Variants in ACVR2A observed in about 807,000 individuals in gnomAD.
ACVR2A encodes activin A receptor type 2A.
ACVR2A carries 7 observed loss-of-function variants against 61.4 expected under a neutral mutation model. That is an observed-to-expected ratio of 0.11 (90% CI 0.06 to 0.21). The LOEUF (loss-of-function observed/expected upper bound fraction) is 0.21, where lower values mean the gene tolerates loss of function less well. Ranked by LOEUF, ACVR2A falls within the 10% of genes least tolerant of loss-of-function variation. ACVR2A has a pLI of 1.00. For synonymous variants in ACVR2A, 193 were observed against 208.3 expected (o/e 0.93, Z 0.63); for missense variants, 322 against 621.7 (o/e 0.52, Z 5.13).
chr2:147,920,390 A>T (rs1288458168), intron 8 of ACVR2A, 46 bp downstream of exon 8: 1 of 1,456,420 alleles, frequency 6.9e-7, no homozygotes, highest in African/African-American at 1.4e-5. Flanking sequence ...AACTTGTTCC[A>T]TATTTTCTTA....
chr2:147,865,977 T>G (rs1355284741), intron 1 of ACVR2A, among the ~76,000 whole-genome samples: 1 of 152,062 alleles, frequency 6.6e-6, no homozygotes, highest in Non-Finnish European at 1.5e-5. Flanking sequence ...GGGAGGAATA[T>G]TTTATGTTTT....
At chr2:147,859,769 T>C (rs1685679799) in intron 1 of ACVR2A, among the ~76,000 whole-genome samples, 1 of 152,068 alleles carries the variant, frequency 6.6e-6, no homozygotes, top group Non-Finnish European at 1.5e-5. Context: ...CTACAGTACG[T>C]TTTTGGTACT....
At chr2:147,862,051 C>A (rs1431521744) in intron 1 of ACVR2A, among the ~76,000 whole-genome samples, 1 of 151,982 alleles carries the variant, frequency 6.6e-6, no homozygotes. Context: ...GAACTAAAAC[C>A]CTGATTTTCA....
chr2:147,883,943 G>T (rs1487454622), intron 1 of ACVR2A, among the ~76,000 whole-genome samples: 2 of 152,062 alleles, frequency 1.3e-5, no homozygotes, highest in Non-Finnish European at 2.9e-5. Context: ...TTATTAAAAA[G>T]AGGGCCTGCA....
intron 4 of ACVR2A, among the ~76,000 whole-genome samples, chr2:147,913,512 A>C (rs746639046): frequency 3.3e-5 from 5 of 151,894 alleles, no homozygotes; most frequent in Admixed American, 1.3e-4. Context: ...GCCCTTGAGG[A>C]CTGAATGGTT....
At chr2:147,913,228 T>C (rs1687161513) in intron 4 of ACVR2A, among the ~76,000 whole-genome samples, 1 of 151,940 alleles carries the variant, frequency 6.6e-6, no homozygotes, top group Non-Finnish European at 1.5e-5. Context: ...ATATTCATGT[T>C]GTTGATGTCC....
At chr2:147,872,359 G>A (rs768243829) in intron 1 of ACVR2A, among the ~76,000 whole-genome samples, 1 of 151,826 alleles carries the variant, frequency 6.6e-6, no homozygotes, top group African/African-American at 2.4e-5. Flanking sequence ...CTTACCTTAT[G>A]TTGTGCTTCA....
Position 147,917,445 on chromosome 2 carries a change from T to C in ACVR2A, c.816+19T>C. ...TGAAAAGGTAAAACTACTTAACGTT[T>C]TACTTTAGTAAAGTCTGAGTTGGCC... is the stretch of plus-strand genomic sequence containing the variant. On this transcript the variant is annotated intron_variant, in intron 6 of 10. Coordinates refer to ENST00000241416, the MANE Select transcript of ACVR2A (RefSeq NM_001616.5). 6.2e-7 allele frequency: 1 copy of C among 1,609,578 alleles called. No homozygotes were observed. The highest frequency in any genetic ancestry group is 1.1e-5 in the South Asian group (1 of 90,334).
chr2:147,847,109 TTAA>T (rs1387574922), intron 1 of ACVR2A, among the ~76,000 whole-genome samples: 1 of 152,022 alleles, frequency 6.6e-6, no homozygotes, highest in Admixed American at 6.6e-5. Context: ...GGCCAGGAGG[TTAA>T]TAGCTATAAT....
At chr2:147,893,721 G>A (rs1686648448) in intron 1 of ACVR2A, among the ~76,000 whole-genome samples, 1 of 152,106 alleles carries the variant, frequency 6.6e-6, no homozygotes, top group African/African-American at 2.4e-5. Flanking sequence ...TAAATAATTG[G>A]ACAGTGTTTT....
chr2:147,925,958 G>T, intron 9 of ACVR2A, 73 bp from the exon 10 acceptor site: 2 of 1,480,816 alleles, frequency 1.4e-6, no homozygotes, highest in Non-Finnish European at 9.2e-7. Flanking sequence ...GTATATTTTA[G>T]AAAGTTTGTA....
At chr2:147,873,016 T>C (rs1271919499) in intron 1 of ACVR2A, among the ~76,000 whole-genome samples, 1 of 152,002 alleles carries the variant, frequency 6.6e-6, no homozygotes, top group Admixed American at 6.6e-5. Context: ...TGTTAGCTTA[T>C]TGTTTTCCTT....
intron 2 of ACVR2A, chr2:147,898,390 T>A (rs1429523622): frequency 6.6e-6 from 1 of 152,164 alleles, no homozygotes; most frequent in East Asian, 1.9e-4. Flanking sequence ...TGTTGTAATT[T>A]GAGACATGAT....
At chr2:147,849,096 A>T (rs1344588337) in intron 1 of ACVR2A, among the ~76,000 whole-genome samples, 1 of 152,170 alleles carries the variant, frequency 6.6e-6, no homozygotes, top group Non-Finnish European at 1.5e-5. Flanking sequence ...AATATTTTAT[A>T]CTATAATAAA....
intron 5 of ACVR2A, among the ~76,000 whole-genome samples, chr2:147,916,654 T>G (rs1164243232): frequency 2.6e-5 from 4 of 151,900 alleles, no homozygotes; most frequent in Admixed American, 1.3e-4. Flanking sequence ...TATGCCATAG[T>G]GCCTCTTACT....
chr2:147,858,980 C>A (rs979174966), intron 1 of ACVR2A, among the ~76,000 whole-genome samples: 1 of 151,998 alleles, frequency 6.6e-6, no homozygotes, highest in African/African-American at 2.4e-5. Context: ...TGTAGTTTGC[C>A]AATCTCTTGG....
chr2:147,900,339 T>A (rs1162599020), intron 4 of ACVR2A: 1 of 153,436 alleles, frequency 6.5e-6, no homozygotes, highest in Non-Finnish European at 1.4e-5. Context: ...CAAAAAAGTA[T>A]AGAAAAGAGA....
intron 1 of ACVR2A, among the ~76,000 whole-genome samples, chr2:147,851,483 T>C (rs535849102): frequency 6.6e-6 from 1 of 152,282 alleles, no homozygotes; most frequent in East Asian, 1.9e-4. Flanking sequence ...GCCTGAGTAC[T>C]ATATTCCATC....
chr2:147,884,433 T>G (rs1686381741), intron 1 of ACVR2A, among the ~76,000 whole-genome samples: 1 of 152,154 alleles, frequency 6.6e-6, no homozygotes, highest in Non-Finnish European at 1.5e-5. Flanking sequence ...GCAAAAAGAA[T>G]TTTCTGTTGT....
Sources: gnomAD v4.1 joint callset for allele counts (sites outside exome capture counted in the v4.1 genomes callset) on GRCh38, gnomAD v4.1.1 for gene constraint, MANE v1.5 for transcripts, NCBI Gene and HGNC (gene_info 2026-07-23, HGNC 2026-07-21) for gene names.